The following SUGCT variants were observed in gnomAD, a reference collection of about 807,000 sequenced individuals.
The protein encoded by SUGCT is succinyl-CoA:glutarate CoA-transferase.
SUGCT carries 41 observed loss-of-function variants against 55.0 expected under a neutral mutation model. The observed-to-expected ratio is 0.74, with a 90% CI of 0.58 to 0.97. The LOEUF (loss-of-function observed/expected upper bound fraction) is 0.97. Among genes scored for constraint, SUGCT ranks in the 50% least tolerant of loss-of-function variants. SUGCT has a pLI of 0.00. For missense variants in SUGCT, 568 were observed against 547.8 expected, an observed-to-expected ratio of 1.04 and a Z score of -0.37; for synonymous variants, 187 against 200.4, an observed-to-expected ratio of 0.93 and a Z score of 0.56.
Position 40,227,434 on chromosome 7 carries a change from T to C in SUGCT, c.485-10201T>C, listed in dbSNP as rs1487657813. 2.0e-5 allele frequency among the ~76,000 whole-genome samples: 3 copies of C among 151,994 alleles called. No individual in the cohort carries two copies. In the South Asian group the frequency reaches 6.2e-4, roughly 32 times the overall value. On this transcript the variant is annotated intron_variant, in intron 6 of 13. Coordinates refer to ENST00000335693, the MANE Select transcript of SUGCT (RefSeq NM_001193313.2). ...CTTACTTTGGTGATGGGATCACAAC[T>C]CACTGCAGCCTCCTTGACCCCTTGG...
chr7:40,508,469 G>C (rs563516091), intron 12 of SUGCT, among the ~76,000 whole-genome samples: 25 of 152,274 alleles, frequency 1.6e-4, no homozygotes, highest in African/African-American at 5.5e-4. Context: ...TAGAGTAGAA[G>C]GTAGGTGGAG....
At chr7:40,794,680 C>T (rs565846621) in intron 13 of SUGCT, among the ~76,000 whole-genome samples, 1 of 152,058 alleles carries the variant, frequency 6.6e-6, no homozygotes, top group Non-Finnish European at 1.5e-5. Context: ...GTACTGGATC[C>T]TCCCCACTCT....
intron 8 of SUGCT, 30 bp from the exon 9 acceptor site, chr7:40,316,730 A>G (rs751910974): frequency 7.2e-7 from 1 of 1,398,398 alleles, no homozygotes. Flanking sequence ...TAGCTGTTCT[A>G]TTTTATTTAT....
intron 1 of SUGCT, among the ~76,000 whole-genome samples, chr7:40,163,310 A>T (rs558244926): frequency 1.4e-4 from 21 of 152,168 alleles, no homozygotes; most frequent in East Asian, 1.9e-4. Context: ...AGCTTTTATT[A>T]AAAAAGTAGT....
intron 9 of SUGCT, among the ~76,000 whole-genome samples, chr7:40,439,770 G>A (rs1788400609): frequency 6.6e-6 from 1 of 152,194 alleles, no homozygotes; most frequent in South Asian, 2.1e-4. Context: ...TGCTCATGCT[G>A]TGCTTTCAGT....
chr7:40,342,889 T>C (rs1797127262), intron 9 of SUGCT, among the ~76,000 whole-genome samples: 1 of 152,208 alleles, frequency 6.6e-6, no homozygotes, highest in African/African-American at 2.4e-5. Context: ...GTGATCCGCT[T>C]GCCTTGGCCT....
At position 40,590,599 on chromosome 7, in the gene SUGCT, C is replaced by T. The variant is rs80224496; in HGVS notation, c.1089+94213C>T. 1.8e-4 allele frequency among the ~76,000 whole-genome samples: 28 copies of T among 152,268 alleles called. No homozygotes were observed. In the East Asian group the frequency reaches 2.1e-3, roughly 12 times the overall value. On this transcript the variant is annotated intron_variant, in intron 12 of 13. Transcript: ENST00000335693. ...AGCTACACTAAACAACAGATTATTA[C>T]GGTATTCAAAGTAGCCTTCTGTTGG...
At chr7:41,015,293 A>C in the SUGCT span, among the ~76,000 whole-genome samples, 4 of 152,120 alleles carry the variant, frequency 2.6e-5, no homozygotes, top group Non-Finnish European at 5.9e-5. Context: ...TGATGATGAT[A>C]ATATATATAT....
intron 12 of SUGCT, among the ~76,000 whole-genome samples, chr7:40,629,285 T>G (rs754768388): frequency 6.6e-6 from 1 of 152,168 alleles, no homozygotes; most frequent in Non-Finnish European, 1.5e-5. Context: ...TCTAAATAAT[T>G]TAGCCAGTCA....
At chr7:40,966,159 A>G in the SUGCT span, 1 of 152,220 alleles carries the variant, frequency 6.6e-6, no homozygotes. Flanking sequence ...TAGTTTCAAA[A>G]CCAATAGGAC....
chr7:40,373,201 C>T (rs1024870025), intron 9 of SUGCT, among the ~76,000 whole-genome samples: 1 of 151,276 alleles, frequency 6.6e-6, no homozygotes, highest in Non-Finnish European at 1.5e-5. Flanking sequence ...TCTCCTTTTA[C>T]TTTGAAGAAG....
chr7:40,603,417 A>T (rs1798383653), intron 12 of SUGCT, among the ~76,000 whole-genome samples: 1 of 152,250 alleles, frequency 6.6e-6, no homozygotes, highest in African/African-American at 2.4e-5. Context: ...GACAAAGATT[A>T]CATTTTATTG....
At chr7:40,531,572 G>C (rs1794089643) in intron 12 of SUGCT, among the ~76,000 whole-genome samples, 2 of 151,546 alleles carry the variant, frequency 1.3e-5, no homozygotes, top group South Asian at 4.1e-4. Flanking sequence ...TTACTCTTAA[G>C]ATTATAAGAA....
At chr7:40,986,308 CAT>C in the SUGCT span, among the ~76,000 whole-genome samples, 1 of 152,136 alleles carries the variant, frequency 6.6e-6, no homozygotes, top group African/African-American at 2.4e-5. Flanking sequence ...TTCTTTAAGA[CAT>C]GTCAAAATGA....
chr7:40,551,808 C>G (rs1215513309), intron 12 of SUGCT, among the ~76,000 whole-genome samples: 1 of 152,168 alleles, frequency 6.6e-6, no homozygotes, highest in Non-Finnish European at 1.5e-5. Context: ...CTGACCAGTA[C>G]AGGAAGCTGG....
chr7:40,639,550 T>G (rs1800173740), intron 12 of SUGCT, among the ~76,000 whole-genome samples: 1 of 151,690 alleles, frequency 6.6e-6, no homozygotes, highest in Admixed American at 6.6e-5. Flanking sequence ...GTCATGCTCT[T>G]GTCACCCAGG....
At chr7:40,567,604 G>A (rs1796217625) in intron 12 of SUGCT, among the ~76,000 whole-genome samples, 1 of 152,108 alleles carries the variant, frequency 6.6e-6, no homozygotes, top group Non-Finnish European at 1.5e-5. Context: ...CTTTTCTCCA[G>A]CCTTAATGTG....
intron 9 of SUGCT, among the ~76,000 whole-genome samples, chr7:40,328,958 G>A (rs1164473522): frequency 6.6e-6 from 1 of 152,128 alleles, no homozygotes; most frequent in Non-Finnish European, 1.5e-5. Flanking sequence ...ACATTACCTC[G>A]CAGCTAAGAG....
chr7:40,334,363 A>G (rs1796552167), intron 9 of SUGCT, among the ~76,000 whole-genome samples: 1 of 152,184 alleles, frequency 6.6e-6, no homozygotes, highest in South Asian at 2.1e-4. Flanking sequence ...TTACAATCCC[A>G]CCAACAGTGT....
Sources: allele counts gnomAD v4.1 joint callset (sites outside exome capture counted in the v4.1 genomes callset), GRCh38; gene constraint gnomAD v4.1.1; transcripts MANE v1.5; gene names NCBI Gene and HGNC (gene_info 2026-07-23, HGNC 2026-07-21).